The following MANBA variants were observed in gnomAD, a reference collection of about 807,000 sequenced individuals.
MANBA encodes the protein mannosidase beta, also known as beta-mannosidase.
A neutral mutation model predicts 111.1 loss-of-function variants in MANBA; 83 were observed. That is an observed-to-expected ratio of 0.75 (90% CI 0.63 to 0.90). The LOEUF is 0.90. MANBA is among the 40% of genes least tolerant of loss of function. The pLI is 0.00. For missense variants in MANBA, 1,036 were observed against 1,069.0 expected, an observed-to-expected ratio of 0.97 and a Z score of 0.43; for synonymous variants, 370 against 378.7, an observed-to-expected ratio of 0.98 and a Z score of 0.27.
At chr4:102,664,517 T>A (rs1012702240) in intron 11 of MANBA, among the ~76,000 whole-genome samples, 168 bp downstream of exon 11, 6 of 148,328 alleles carry the variant, frequency 4.0e-5, no homozygotes, top group African/African-American at 1.6e-4. Context: ...CCCAGCTAAT[T>A]TTTTTTGTAT....
At chr4:102,694,906 C>T (rs1732638996) in intron 5 of MANBA, among the ~76,000 whole-genome samples, 1 of 152,044 alleles carries the variant, frequency 6.6e-6, no homozygotes. Context: ...TTATGTTCTA[C>T]AGTTTGTTCA....
intron 5 of MANBA, among the ~76,000 whole-genome samples, chr4:102,697,772 G>C (rs1271987570): frequency 9.2e-5 from 14 of 151,606 alleles, no homozygotes; most frequent in African/African-American, 3.4e-4. Flanking sequence ...GGACATTTGG[G>C]TTGGTTCCAA....
chr4:102,663,190 T>G (rs1731049229), intron 11 of MANBA: 1 of 151,808 alleles, frequency 6.6e-6, no homozygotes, highest in Admixed American at 6.6e-5. Flanking sequence ...AAAAAAAAAG[T>G]TACTATGCGT....
chr4:102,669,142 C>A, intron 9 of MANBA, 93 bp from the exon 10 acceptor site: 1 of 1,009,456 alleles, frequency 9.9e-7, no homozygotes, highest in Non-Finnish European at 1.5e-6. Flanking sequence ...TTATCTTTCA[C>A]ACAAATGAAA....
chr4:102,752,373 T>C, intron 1 of MANBA: 1 of 1,273,522 alleles, frequency 7.9e-7, no homozygotes, highest in Non-Finnish European at 1.1e-6. Flanking sequence ...CTAAAGACCA[T>C]TCTTTGGTGT....
At chr4:102,635,788 A>G in intron 15 of MANBA, 77 bp downstream of exon 15, 1 of 1,449,406 alleles carries the variant, frequency 6.9e-7, no homozygotes, top group Non-Finnish European at 9.7e-7. Context: ...TTATTTTCCC[A>G]AAAGAATGTA....
chr4:102,638,183 G>T lies in MANBA; in HGVS notation c.2014+1530C>A, dbSNP rs116947538. On this transcript the variant is annotated intron_variant, in intron 14 of 16. Transcript: ENST00000647097. ...TCATGCCTGTAATCCCAACACTTTGGGAAGCTGAGGAGGGTAGACTGCTTC... is the reference window on the plus strand; with the variant it reads ...TCATGCCTGTAATCCCAACACTTTGTGAAGCTGAGGAGGGTAGACTGCTTC... Among the ~76,000 whole-genome samples, 222 of 152,226 alleles carry T rather than the reference G, an allele frequency of 1.5e-3. 3 individuals are homozygous for T. In the East Asian group the frequency reaches 0.037, roughly 25 times the overall value.
chr4:102,668,789 A>T, intron 10 of MANBA, 174 bp downstream of exon 10: 2 of 615,616 alleles, frequency 3.2e-6, no homozygotes, highest in Non-Finnish European at 6.0e-6. Flanking sequence ...CAGCCAATAG[A>T]TGATGGTAAA....
chr4:102,632,260 C>G lies in MANBA; in HGVS notation c.2437G>C (p.Asp813His). 6 of 1,611,580 alleles carry G rather than the reference C, an allele frequency of 3.7e-6. No individual in the cohort carries two copies. The African/African-American group carries it at 4.0e-5, about 11-fold the overall frequency. The change falls in exon 17 of 17, where the codon GAC becomes CAC. Residue 813 changes from aspartate (D) to histidine (H), a missense_variant. By Grantham distance (81) the Asp-to-His change is moderately conservative (BLOSUM62 -1). Transcript: ENST00000647097. ...QITAIISQQGDIFVFDLETSA... is the reference protein window; with the variant it reads ...QITAIISQQGHIFVFDLETSA... ...GTCTCCAGGTCAAAAACAAATATGTCACCTTGCTGAGAGATGATGGCCTGA... is the reference window on the plus strand; with the variant it reads ...GTCTCCAGGTCAAAAACAAATATGTGACCTTGCTGAGAGATGATGGCCTGA...
chr4:102,689,348 C>CAAAAA (rs35110858), intron 7 of MANBA, among the ~76,000 whole-genome samples: 1 of 130,470 alleles, frequency 7.7e-6, no homozygotes, highest in African/African-American at 2.9e-5. Flanking sequence ...GACTCTGTCT[C>CAAAAA]AAAAAAAAAA....
intron 7 of MANBA, among the ~76,000 whole-genome samples, chr4:102,688,096 C>T (rs115972694): frequency 0.011 from 1,702 of 152,218 alleles, 41 homozygotes; most frequent in African/African-American, 0.039. Context: ...ACAGAAGTTC[C>T]TCTTCTTTCT....
chr4:102,743,576 T>C (rs924025580), intron 1 of MANBA, among the ~76,000 whole-genome samples: 9 of 152,168 alleles, frequency 5.9e-5, no homozygotes, highest in Admixed American at 1.3e-4. Context: ...GACGGCAGGG[T>C]GGCAGAAGTG....
intron 5 of MANBA, among the ~76,000 whole-genome samples, chr4:102,701,111 T>A (rs1286483585): frequency 6.6e-6 from 1 of 152,204 alleles, no homozygotes; most frequent in Non-Finnish European, 1.5e-5. Flanking sequence ...TACCATTATG[T>A]AATGGCCTTC....
chr4:102,657,599 T>C (rs1730622507), intron 12 of MANBA, 83 bp downstream of exon 12: 2 of 1,127,286 alleles, frequency 1.8e-6, no homozygotes, highest in Non-Finnish European at 2.7e-6. Flanking sequence ...AGGTTTCATA[T>C]GATTTTCTGA....
chr4:102,678,628 C>T (rs1560768638), intron 7 of MANBA, among the ~76,000 whole-genome samples: 1 of 152,004 alleles, frequency 6.6e-6, no homozygotes, highest in Non-Finnish European at 1.5e-5. Context: ...AAAATTTTAA[C>T]TTCTAAATTT....
intron 3 of MANBA, 112 bp from the exon 4 acceptor site, chr4:102,723,153 GT>G: frequency 1.0e-6 from 1 of 955,376 alleles, no homozygotes; most frequent in Non-Finnish European, 1.6e-6. Context: ...GCCGATCTAG[GT>G]TTAGCCTCCT....
At chr4:102,703,325 C>T (rs758734441) in intron 5 of MANBA, among the ~76,000 whole-genome samples, 1 of 152,218 alleles carries the variant, frequency 6.6e-6, no homozygotes, top group Non-Finnish European at 1.5e-5. Flanking sequence ...TTGCTTGTAA[C>T]ATTTAAGCTG....
At chr4:102,727,289 C>G (rs1722847392) in intron 1 of MANBA, 1 of 580,952 alleles carries the variant, frequency 1.7e-6, no homozygotes, top group Admixed American at 2.6e-5. Flanking sequence ...TCTGCTCTTT[C>G]TGTTTGCTCT....
rs150489020 is a variant in MANBA at position 102,752,155 on chromosome 4, A to T, written c.177+8563T>A. The stretch of plus-strand genomic sequence containing the variant: ...TGACCCTCTCTGGTCACAAGGAAGC[A>T]ATTTCCTCAGTTCTGTGGTCAGATG... On this transcript the variant is annotated intron_variant, in intron 1 of 16. Coordinates refer to ENST00000647097, the MANE Select transcript of MANBA (RefSeq NM_005908.4). The T allele has an allele frequency of 2.4e-4, 184 of 778,920 alleles. 1 individual carries two copies. The East Asian group carries it at 4.5e-3, about 19-fold the overall frequency. The allele number at this position is 778,920 out of a possible 1,614,324, so 48.3% of individuals were successfully genotyped here.
Sources: gnomAD v4.1 joint callset for allele counts (sites outside exome capture counted in the v4.1 genomes callset) on GRCh38, gnomAD v4.1.1 for gene constraint, MANE v1.5 for transcripts, NCBI Gene and HGNC (gene_info 2026-07-23, HGNC 2026-07-21) for gene names.